Variants in COASY observed in about 807,000 individuals in gnomAD.
COASY encodes the protein bifunctional coenzyme A synthase.
Under a neutral mutation model 49.4 loss-of-function variants are expected in COASY, and 31 were observed. The ratio of observed to expected loss-of-function variants is 0.63; its 90% CI spans 0.47 to 0.85. The LOEUF is 0.85. COASY is among the 40% of genes least tolerant of loss of function. COASY has a pLI of 0.00. For missense variants in COASY, 730 were observed against 734.1 expected (o/e 0.99, Z 0.06); for synonymous variants, 285 against 310.9 (o/e 0.92, Z 0.88).
chr17:42,564,375 G>C (rs752004747), intron 2 of COASY, 71 bp from the exon 3 acceptor site: 1 of 1,603,644 alleles, frequency 6.2e-7, no homozygotes, highest in Non-Finnish European at 8.5e-7. Context: ...AGGATGGGGG[G>C]GCAGGTTGGA....
In COASY at chr17:42,566,031, A is replaced by G. The variant is rs2093003222; in HGVS notation, c.*63A>G. 8 of 1,556,646 alleles carry G rather than the reference A, an allele frequency of 5.1e-6. No individual in the cohort carries two copies. The highest frequency in any genetic ancestry group is 7.1e-6 in the Non-Finnish European group (8 of 1,128,766). On this transcript the variant is annotated 3_prime_UTR_variant, in exon 9 of 9. Coordinates refer to ENST00000393818, the MANE Select transcript of COASY (RefSeq NM_025233.7). Reference sequence around the variant, plus strand: ...ACAAGCGACCCCGTGGTGAGGAGAAATGGGGGCCTTGATGCTCACCCTGGT... The same window carrying G: ...ACAAGCGACCCCGTGGTGAGGAGAAGTGGGGGCCTTGATGCTCACCCTGGT...
Position 42,565,054 on chromosome 17 carries a change from A to C in COASY, c.1302+7A>C. On this transcript the variant is annotated splice_region_variant and intron_variant, in intron 5 of 8. Coordinates refer to ENST00000393818, the MANE Select transcript of COASY (RefSeq NM_025233.7). ...CCGGGTGTTTGGGAATAAGGTAAAC[A>C]ATAACTTCCTAAGGGCTCCTAAGCC... 1 of 1,614,026 alleles carries C rather than the reference A, an allele frequency of 6.2e-7. No homozygotes were observed. The highest frequency in any genetic ancestry group is 8.5e-7 in the Non-Finnish European group (1 of 1,179,902).
Position 42,566,277 on chromosome 17 carries a change from A to T in COASY, c.*309A>T. Reference sequence around the variant, plus strand: ...CAGAATTAAAGGTGAATGTTCTGAGATGTTGCTTGTATGGTGTCTGCTTCC... The same window carrying T: ...CAGAATTAAAGGTGAATGTTCTGAGTTGTTGCTTGTATGGTGTCTGCTTCC... On this transcript the variant is annotated 3_prime_UTR_variant, in exon 9 of 9. Coordinates refer to ENST00000393818, the MANE Select transcript of COASY (RefSeq NM_025233.7). 1 of 407,668 alleles carries T rather than the reference A, an allele frequency of 2.5e-6. No individual in the cohort carries two copies. The highest frequency in any genetic ancestry group is 2.6e-5 in the South Asian group (1 of 39,024). The allele number at this position is 407,668 out of a possible 1,614,324, so 25.3% of individuals were successfully genotyped here. A position where few individuals can be genotyped will look rare whatever the true frequency, so the allele number is the denominator to read the frequency against.
At chr17:42,563,386 T>C (rs1359152740) in intron 1 of COASY, 64 bp downstream of exon 1, 1 of 1,408,684 alleles carries the variant, frequency 7.1e-7, no homozygotes, top group African/African-American at 1.5e-5. Flanking sequence ...CCGACCCTTA[T>C]GCCGAGATCA....
In COASY at chr17:42,565,514, C is replaced by T. The variant is rs749293853; in HGVS notation, c.1431C>T (p.Ala477=). 15 of 1,614,154 alleles carry T rather than the reference C, an allele frequency of 9.3e-6. No individual in the cohort carries two copies. Among genetic ancestry groups the T allele is most frequent in the East Asian group, 6.7e-5 (3 of 44,884 alleles). The change falls in exon 7 of 9, where the codon GCC becomes GCT. Residue 477 remains alanine, a synonymous_variant. Transcript: ENST00000393818. ...CVIDAAVLLE[A]GWQNLVHEVW... ...TTGATGCCGCTGTGTTGCTTGAAGC[C>T]GGCTGGCAGAACCTGGTCCATGAGG...
chr17:42,563,221 T>C lies in COASY; in HGVS notation c.599T>C (p.Phe200Ser). Residue 200 changes from phenylalanine to serine, a missense_variant, in exon 1 of 9, where the codon TTT (phenylalanine) becomes TCT (serine). By Grantham distance (155) the Phe-to-Ser change is radical. Coordinates refer to ENST00000393818, the MANE Select transcript of COASY (RefSeq NM_025233.7). ...TACCGTGGCGCTGTCGGTGGCACGT[T>C]TGACCGCCTGCACAACGCCCACAAG... ...GYYRGAVGGT[F>S]DRLHNAHKVL... 1 of 1,613,616 alleles carries C rather than the reference T, an allele frequency of 6.2e-7. No individual in the cohort carries two copies. Among genetic ancestry groups the C allele is most frequent in the Non-Finnish European group, 8.5e-7 (1 of 1,179,992 alleles).
rs373985260 is a variant in COASY, at chr17:42,564,023, C to T, written c.763C>T (p.Leu255=). 2.4e-5 allele frequency: 39 copies of T among 1,614,136 alleles called. No individual in the cohort carries two copies. Among genetic ancestry groups the T allele is most frequent in the Non-Finnish European group, 3.3e-5 (39 of 1,180,004 alleles). Residue 255 remains leucine, a synonymous_variant, in exon 2 of 9, where the codon CTG becomes TTG. Coordinates refer to ENST00000393818, the MANE Select transcript of COASY (RefSeq NM_025233.7). The part of the protein sequence containing the change: ...TERVEHLSEF[L]VDIKPSLTFD... ...ACGTGTGGAACATCTGAGTGAATTCCTGGTGGACATCAAGCCCTCCTTGAC... is the reference window on the plus strand; with the variant it reads ...ACGTGTGGAACATCTGAGTGAATTCTTGGTGGACATCAAGCCCTCCTTGAC...
At position 42,563,306 on chromosome 17, in the gene COASY, C is replaced by T; in HGVS notation, c.684C>T (p.Asp228=). Residue 228 remains aspartate, a synonymous_variant, in exon 1 of 9, where the codon GAC becomes GAT. Coordinates refer to ENST00000393818, the MANE Select transcript of COASY (RefSeq NM_025233.7). The stretch of plus-strand genomic sequence containing the variant: ...AGCAGCTTGTGGTGGGAGTAGCAGA[C>T]AAAGATCTGTTGAAGAGTGAGTAAG... ...AQEQLVVGVA[D]KDLLKSKLLP... is the part of the protein sequence containing the mutation. 1 of 1,595,280 alleles carries T rather than the reference C, an allele frequency of 6.3e-7. No homozygotes were observed. Among genetic ancestry groups the T allele is most frequent in the South Asian group, 1.1e-5 (1 of 90,686 alleles).
chr17:42,564,480 T>C lies in COASY; in HGVS notation c.950T>C (p.Leu317Pro). The C allele has an allele frequency of 6.2e-7, 1 of 1,613,602 alleles. No individual in the cohort carries two copies. Among genetic ancestry groups the C allele is most frequent in the South Asian group, 1.1e-5 (1 of 91,044 alleles). The change falls in exon 3 of 9, where the codon CTG becomes CCG. Residue 317 changes from leucine to proline, a missense_variant. Physicochemically the swap from Leu to Pro is moderately conservative, Grantham distance 98 (BLOSUM62 -3). Coordinates refer to ENST00000393818, the MANE Select transcript of COASY (RefSeq NM_025233.7). ...GAACTTGCTTTGTACCAGATCCAGC[T>C]GCTGAAGGACCTCAGACATACAGAG... is the stretch of plus-strand genomic sequence containing the variant. ...LEELALYQIQ[L>P]LKDLRHTENE...
At position 42,566,018 on chromosome 17, in the gene COASY, G is replaced by A. The variant is rs753375342; in HGVS notation, c.*50G>A. The A allele has an allele frequency of 8.8e-6, 14 of 1,592,412 alleles. No individual in the cohort carries two copies. The highest frequency in any genetic ancestry group is 2.7e-5 in the African/African-American group (2 of 74,532). On this transcript the variant is annotated 3_prime_UTR_variant, in exon 9 of 9. Transcript: ENST00000393818. ...GCTCCTGGAGCTGACAAGCGACCCC[G>A]TGGTGAGGAGAAATGGGGGCCTTGA...
In COASY at chr17:42,564,171, A is replaced by G; in HGVS notation, c.911A>G (p.Glu304Gly). 6.2e-7 allele frequency: 1 copy of G among 1,613,704 alleles called. No individual in the cohort carries two copies. The highest frequency in any genetic ancestry group is 8.5e-7 in the Non-Finnish European group (1 of 1,179,888). ...GGMAINRFRLENDLEELALYQ... is the reference protein window; with the variant it reads ...GGMAINRFRLGNDLEELALYQ... ...ATGGCCATCAACCGCTTCCGCCTTG[A>G]GAATGTAACCCCTGAGGGAGACTGG... The change falls in exon 2 of 9, where the codon GAG (glutamate) becomes GGG (glycine). Residue 304 changes from glutamate to glycine, a missense_variant. Coordinates refer to ENST00000393818, the MANE Select transcript of COASY (RefSeq NM_025233.7).
At position 42,563,955 on chromosome 17, in the gene COASY, C is replaced by T; in HGVS notation, c.701-6C>T. 1.3e-6 allele frequency: 2 copies of T among 1,595,780 alleles called. No individual in the cohort carries two copies. The highest frequency in any genetic ancestry group is 1.7e-6 in the Non-Finnish European group (2 of 1,168,348). On this transcript the variant is annotated splice_polypyrimidine_tract_variant and splice_region_variant and intron_variant, in intron 1 of 8. Coordinates refer to ENST00000393818, the MANE Select transcript of COASY (RefSeq NM_025233.7). ...ATCTCACTGTTCTTCTGGGCTCCTT[C>T]CCCAGGCAAGTTGCTCCCTGAGCTG...
At position 42,562,490 on chromosome 17, in the gene COASY, C is replaced by G. The variant is rs200710685; in HGVS notation, c.-133C>G. 6.2e-7 allele frequency: 1 copy of G among 1,613,726 alleles called. No homozygotes were observed. Among genetic ancestry groups the G allele is most frequent in the Non-Finnish European group, 8.5e-7 (1 of 1,179,818 alleles). On this transcript the variant is annotated 5_prime_UTR_variant, in exon 1 of 9. Transcript: ENST00000393818. ...GTCCCCTCCCCCGGCTCCTGTCGGT[C>G]AGCACTGAAACCCCGTCCCTGCTCC...
intron 1 of COASY, 122 bp downstream of exon 1, chr17:42,563,444 A>C: frequency 7.3e-6 from 7 of 953,646 alleles, no homozygotes; most frequent in Non-Finnish European, 7.6e-6. Context: ...CAAATGTCAC[A>C]GTGGTTGACA....
chr17:42,562,469 C>A lies in COASY; in HGVS notation c.-154C>A. 6.2e-7 allele frequency: 1 copy of A among 1,613,868 alleles called. No homozygotes were observed. On this transcript the variant is annotated 5_prime_UTR_variant, in exon 1 of 9. Coordinates refer to ENST00000393818, the MANE Select transcript of COASY (RefSeq NM_025233.7). The stretch of plus-strand genomic sequence containing the variant: ...AGGCGCCGTCTACCAGGCCCCGTCC[C>A]CTCCCCCGGCTCCTGTCGGTCAGCA...
At position 42,562,597 on chromosome 17, in the gene COASY, C is replaced by A; in HGVS notation, c.-26C>A. The A allele has an allele frequency of 6.5e-7, 1 of 1,541,156 alleles. No individual in the cohort carries two copies. Among genetic ancestry groups the A allele is most frequent in the Non-Finnish European group, 8.7e-7 (1 of 1,148,082 alleles). ...CCTTCAGTCACCGTCGCCTCGTCTC[C>A]CTGACTGTCCGCAGGCCTGGGCAGC... On this transcript the variant is annotated 5_prime_UTR_variant, in exon 1 of 9. Coordinates refer to ENST00000393818, the MANE Select transcript of COASY (RefSeq NM_025233.7).
chr17:42,565,912 A>G lies in COASY; in HGVS notation c.1639A>G (p.Lys547Glu), dbSNP rs768349924. 1 of 1,613,870 alleles carries G rather than the reference A, an allele frequency of 6.2e-7. No individual in the cohort carries two copies. Among genetic ancestry groups the G allele is most frequent in the Admixed American group, 1.7e-5 (1 of 60,022 alleles). Reference sequence around the variant, plus strand: ...CATCCTGGCCTGTCTGAAGGTGGAGAAAGCCTGGGCCCTCTTGCAGAAGCG... The same window carrying G: ...CATCCTGGCCTGTCTGAAGGTGGAGGAAGCCTGGGCCCTCTTGCAGAAGCG... ...EPHITQRQVE[K>E]AWALLQKRIP... Residue 547 changes from lysine (K) to glutamate (E), a missense_variant, in exon 9 of 9, where the codon AAA (lysine) becomes GAA (glutamate). By Grantham distance (56) the Lys-to-Glu change is moderately conservative (BLOSUM62 1). Transcript: ENST00000393818.
chr17:42,564,335 CGGA>C, intron 2 of COASY, 108 bp from the exon 3 acceptor site: 9 of 1,528,920 alleles, frequency 5.9e-6, no homozygotes, highest in East Asian at 2.3e-5. Context: ...CCCGCTGAGT[CGGA>C]GGAGGAGGAG....
chr17:42,562,591 C>T lies in COASY; in HGVS notation c.-32C>T, dbSNP rs762780076. 10 of 1,544,596 alleles carry T rather than the reference C, an allele frequency of 6.5e-6. No homozygotes were observed. Among genetic ancestry groups the T allele is most frequent in the Middle Eastern group, 1.7e-4 (1 of 5,762 alleles). On this transcript the variant is annotated 5_prime_UTR_variant, in exon 1 of 9. Transcript: ENST00000393818. ...GCAGGCCCTTCAGTCACCGTCGCCTCGTCTCCCTGACTGTCCGCAGGCCTG... is the reference window on the plus strand; with the variant it reads ...GCAGGCCCTTCAGTCACCGTCGCCTTGTCTCCCTGACTGTCCGCAGGCCTG...
Sources: allele counts gnomAD v4.1 joint callset, GRCh38; gene constraint gnomAD v4.1.1; transcripts MANE v1.5; gene names NCBI Gene and HGNC (gene_info 2026-07-23, HGNC 2026-07-21).